ABLIM1: variants seen among roughly 807,000 people sequenced by gnomAD.
The protein encoded by ABLIM1 is actin-binding LIM protein 1.
In ABLIM1, 40 loss-of-function variants were observed where a neutral mutation model predicts 107.0. That is an observed-to-expected ratio of 0.37 (90% CI 0.29 to 0.49). The LOEUF (loss-of-function observed/expected upper bound fraction) is 0.49. Ranked by LOEUF, ABLIM1 falls within the 20% of genes least tolerant of loss-of-function variation. ABLIM1 has a pLI of 0.97. For missense variants in ABLIM1, 857 were observed against 1,008.5 expected (o/e 0.85, Z 2.04); for synonymous variants, 357 against 357.3 (o/e 1.00, Z 0.01).
chr10:114,641,873 C>A (rs1444775410), intron 1 of ABLIM1, among the ~76,000 whole-genome samples: 1 of 147,572 alleles, frequency 6.8e-6, no homozygotes, highest in East Asian at 1.9e-4. Flanking sequence ...TGGCTTTTCC[C>A]CTAAGTTGTT....
upstream of ABLIM1, among the ~76,000 whole-genome samples, chr10:114,686,489 G>C (rs1225078597): frequency 6.6e-6 from 1 of 151,342 alleles, no homozygotes; most frequent in African/African-American, 2.4e-5. Flanking sequence ...TGCCATCCTG[G>C]GTGACAGGGT....
chr10:114,787,160 T>G, the ABLIM1 span, among the ~76,000 whole-genome samples: 5 of 134,928 alleles, frequency 3.7e-5, no homozygotes, highest in East Asian at 4.7e-4. Context: ...CCGTCCGGGA[T>G]GTGAGGAGCG....
At chr10:114,712,764 C>T (rs921340232) in intron 1 of ABLIM1, among the ~76,000 whole-genome samples, 1 of 152,204 alleles carries the variant, frequency 6.6e-6, no homozygotes, top group African/African-American at 2.4e-5. Context: ...TTTGGAGTTT[C>T]TTCAAGTAAT....
Position 114,445,359 on chromosome 10 carries a change from C to T in ABLIM1, c.1780G>A (p.Glu594Lys). The change falls in exon 16 of 23, where the codon GAG becomes AAG. Residue 594 changes from glutamate (E) to lysine (K), a missense_variant. Around this residue, in one of 5 missense-constraint regions of ABLIM1, gnomAD observed 103 missense variants for 101.0 expected, o/e 1.02. Transcript: ENST00000533213. ...AGCTGCCGACGTCTCAGAAGTTCCT[C>T]ATCATCTTCCTCTCTGCCACTAGAT... ...RRSSGREEDD[E>K]ELLRRRQLQE... is the part of the protein sequence containing the mutation. The T allele has an allele frequency of 6.2e-7, 1 of 1,612,816 alleles. No individual in the cohort carries two copies. Among genetic ancestry groups the T allele is most frequent in the Non-Finnish European group, 8.5e-7 (1 of 1,179,354 alleles).
chr10:114,615,622 A>G, intron 1 of ABLIM1: 1 of 453,192 alleles, frequency 2.2e-6, no homozygotes, highest in Non-Finnish European at 4.5e-6. Context: ...TGCATGTTCA[A>G]TATGTTCATG....
chr10:114,464,446 A>C (rs886554420), intron 12 of ABLIM1, among the ~76,000 whole-genome samples: 1 of 152,142 alleles, frequency 6.6e-6, no homozygotes, highest in Admixed American at 6.5e-5. Context: ...TCAGCCTCCT[A>C]AAGTGCTGGG....
At chr10:114,560,020 A>G (rs1024253589) in intron 4 of ABLIM1, among the ~76,000 whole-genome samples, 8 of 152,244 alleles carry the variant, frequency 5.3e-5, no homozygotes, top group African/African-American at 1.9e-4. Flanking sequence ...TGCCCATGCC[A>G]TAGCCTGCCA....
chr10:114,771,380 G>A (rs2083023180), upstream of ABLIM1, among the ~76,000 whole-genome samples: 1 of 152,170 alleles, frequency 6.6e-6, no homozygotes, highest in African/African-American at 2.4e-5. Flanking sequence ...TGCCTGACTG[G>A]CAGGTTGCAA....
At chr10:114,689,417 AG>A (rs2081023011), upstream of ABLIM1, among the ~76,000 whole-genome samples, 1 of 143,018 alleles carries the variant, frequency 7.0e-6, no homozygotes, top group African/African-American at 2.6e-5. Context: ...GCTGGAGTGC[AG>A]TGGCTCGATC....
intron 6 of ABLIM1, among the ~76,000 whole-genome samples, chr10:114,493,056 A>G (rs1565592131): frequency 6.6e-6 from 1 of 152,148 alleles, no homozygotes. Context: ...GCTACTTTTT[A>G]TTTATTTGTA....
intron 1 of ABLIM1, among the ~76,000 whole-genome samples, chr10:114,602,747 A>T (rs1447477018): frequency 6.6e-6 from 1 of 152,222 alleles, no homozygotes; most frequent in Non-Finnish European, 1.5e-5. Context: ...CCTTAACATC[A>T]CATGATGGGG....
chr10:114,740,978 A>G (rs1045616617), intron 1 of ABLIM1, among the ~76,000 whole-genome samples: 1 of 151,214 alleles, frequency 6.6e-6, no homozygotes, highest in Non-Finnish European at 1.5e-5. Context: ...GGTTGCAGTG[A>G]GCTGAGATCA....
intron 1 of ABLIM1, among the ~76,000 whole-genome samples, chr10:114,622,906 A>G (rs1458668675): frequency 1.3e-5 from 2 of 152,240 alleles, no homozygotes; most frequent in Non-Finnish European, 2.9e-5. Context: ...TTCCTCAAAG[A>G]TTAAAGAGGG....
intron 17 of ABLIM1, among the ~76,000 whole-genome samples, chr10:114,443,353 C>A (rs1294026745): frequency 6.6e-6 from 1 of 150,992 alleles, no homozygotes; most frequent in Admixed American, 6.6e-5. Context: ...ACTCTTGTCG[C>A]CCAGGCTGGA....
At chr10:114,632,746 C>G (rs114437046) in intron 1 of ABLIM1, 1 of 985,246 alleles carries the variant, frequency 1.0e-6, no homozygotes, top group Non-Finnish European at 1.2e-6. Context: ...CCCCTTCTCC[C>G]TCTGTTTCAT....
chr10:114,776,352 T>C, the ABLIM1 span, among the ~76,000 whole-genome samples: 1 of 152,178 alleles, frequency 6.6e-6, no homozygotes, highest in Non-Finnish European at 1.5e-5. Context: ...TGGTGGCTCA[T>C]GCCTGTAATC....
chr10:114,720,135 G>A (rs1216284876), intron 1 of ABLIM1, among the ~76,000 whole-genome samples: 1 of 152,144 alleles, frequency 6.6e-6, no homozygotes, highest in Non-Finnish European at 1.5e-5. Context: ...TTGGTTTTCT[G>A]TTCCTGCATC....
chr10:114,649,485 T>G (rs1010022348), intron 1 of ABLIM1, among the ~76,000 whole-genome samples: 5 of 151,746 alleles, frequency 3.3e-5, no homozygotes, highest in Non-Finnish European at 7.4e-5. Flanking sequence ...TATTTCTACC[T>G]TTGAGAAATA....
chr10:114,648,114 G>A (rs55776012), intron 1 of ABLIM1, among the ~76,000 whole-genome samples: 3,231 of 152,148 alleles, frequency 0.021, 99 homozygotes, highest in African/African-American at 0.074. Flanking sequence ...TGTAGAAAAC[G>A]GTTTGACAGT....
Sources: allele counts gnomAD v4.1 joint callset (sites outside exome capture counted in the v4.1 genomes callset), GRCh38; gene constraint gnomAD v4.1.1; regional missense constraint gnomAD v4.1.1; transcripts MANE v1.5; gene names NCBI Gene and HGNC (gene_info 2026-07-23, HGNC 2026-07-21).